Variants in MKLN1 observed in about 807,000 individuals in gnomAD.
MKLN1 encodes the protein muskelin.
MKLN1 carries 18 observed loss-of-function variants against 99.0 expected under a neutral mutation model. The observed-to-expected ratio is 0.18, with a 90% CI of 0.13 to 0.27. The LOEUF (loss-of-function observed/expected upper bound fraction) is 0.27, where lower values mean the gene tolerates loss of function less well. Ranked by LOEUF, MKLN1 falls within the 10% of genes least tolerant of loss-of-function variation. The pLI is 1.00. For synonymous variants in MKLN1, 288 were observed against 293.2 expected, an observed-to-expected ratio of 0.98 and a Z score of 0.18; for missense variants, 621 against 875.9, an observed-to-expected ratio of 0.71 and a Z score of 3.67.
rs1478725942 is a variant in MKLN1 at position 131,488,099 on chromosome 7, G to T, written c.*371G>T. 6.6e-6 allele frequency: 1 copy of T among 151,588 alleles called. No homozygotes were observed. The highest frequency in any genetic ancestry group is 1.9e-4 in the East Asian group (1 of 5,176). 9.4% of individuals were successfully genotyped at this position (151,588 alleles called of 1,614,324 possible). ...TTGGGGGAAATAAGCACTATTAACA[G>T]ATTCAGCACTACAAGTATTTTGAAT... On this transcript the variant is annotated 3_prime_UTR_variant, in exon 18 of 18. Transcript: ENST00000352689.
intron 3 of MKLN1, among the ~76,000 whole-genome samples, chr7:131,267,842 A>T (rs1347257782): frequency 6.6e-6 from 1 of 152,224 alleles, no homozygotes; most frequent in Admixed American, 6.5e-5. Context: ...CTTCAGGCAA[A>T]CACCCAAAGA....
At chr7:131,173,673 C>T (rs1257106620) in intron 2 of MKLN1, among the ~76,000 whole-genome samples, 3 of 152,058 alleles carry the variant, frequency 2.0e-5, no homozygotes, top group Non-Finnish European at 2.9e-5. Flanking sequence ...GAGTTGAGAT[C>T]GTGCCATTGC....
intron 3 of MKLN1, chr7:131,242,693 A>G: frequency 1.5e-6 from 1 of 649,020 alleles, no homozygotes; most frequent in Non-Finnish European, 2.9e-6. Flanking sequence ...ATGGTACCTT[A>G]GATCGCCCCT....
chr7:131,390,378 G>T (rs1794163184), intron 4 of MKLN1, among the ~76,000 whole-genome samples: 1 of 152,014 alleles, frequency 6.6e-6, no homozygotes, highest in Non-Finnish European at 1.5e-5. Context: ...AGAGTTATCA[G>T]TTCCTAAAGA....
intron 2 of MKLN1, among the ~76,000 whole-genome samples, chr7:131,153,655 T>TTTTTTCTG (rs1795921589): frequency 2.0e-5 from 1 of 49,766 alleles, no homozygotes; most frequent in African/African-American, 4.0e-5. Flanking sequence ...TGAAAGTAGG[T>TTTTTTCTG]TTTTTTTGGT....
intron 11 of MKLN1, among the ~76,000 whole-genome samples, chr7:131,444,017 T>C (rs1795922047): frequency 6.6e-6 from 1 of 152,148 alleles, no homozygotes; most frequent in African/African-American, 2.4e-5. Context: ...GACAATTTCT[T>C]ACTCTGTTCT....
intron 13 of MKLN1, 112 bp downstream of exon 13, chr7:131,463,476 T>G (rs1023924378): frequency 1.7e-6 from 2 of 1,149,770 alleles, no homozygotes; most frequent in Non-Finnish European, 2.5e-6. Context: ...ACATTGTATA[T>G]TTAAAAGTCA....
intron 2 of MKLN1, among the ~76,000 whole-genome samples, chr7:131,180,706 A>T (rs1236055029): frequency 6.6e-6 from 1 of 151,888 alleles, no homozygotes; most frequent in Non-Finnish European, 1.5e-5. Context: ...CTCAAAAAAA[A>T]AAAAAAAGAA....
intron 3 of MKLN1, among the ~76,000 whole-genome samples, chr7:131,292,282 G>C (rs906698806): frequency 6.6e-6 from 1 of 152,160 alleles, no homozygotes; most frequent in Non-Finnish European, 1.5e-5. Flanking sequence ...AAGGAGGCGA[G>C]AATGCCAGCT....
intron 2 of MKLN1, among the ~76,000 whole-genome samples, chr7:131,161,963 GTATATATATATATATATATATATATA>G (rs71168374): frequency 2.7e-5 from 3 of 109,296 alleles, no homozygotes; most frequent in Non-Finnish European, 5.6e-5. Context: ...GTGTGTGTGT[GTATATATATATATATATATATATATA>G]TATATATATA....
intron 3 of MKLN1, among the ~76,000 whole-genome samples, chr7:131,259,874 A>G (rs1797708277): frequency 6.6e-6 from 1 of 152,196 alleles, no homozygotes; most frequent in Non-Finnish European, 1.5e-5. Flanking sequence ...AGAGAAAGAA[A>G]TAAAAGGCAT....
intron 16 of MKLN1, among the ~76,000 whole-genome samples, chr7:131,476,458 A>G (rs918027334): frequency 2.6e-5 from 4 of 152,190 alleles, no homozygotes; most frequent in African/African-American, 9.6e-5. Context: ...CAAAAATACA[A>G]GGTCAATAGA....
In MKLN1 at chr7:131,491,941, C is replaced by G. The variant is rs1797433843; in HGVS notation, c.*4213C>G. On this transcript the variant is annotated 3_prime_UTR_variant, in exon 18 of 18. Coordinates refer to ENST00000352689, the MANE Select transcript of MKLN1 (RefSeq NM_013255.5). ...TGGAAAAAAAAAGATCAAAATCATT[C>G]TGGGGCAAATGCTCTATTATCCTTA... 1 of 152,370 alleles carries G rather than the reference C, an allele frequency of 6.6e-6. No individual in the cohort carries two copies. The highest frequency in any genetic ancestry group is 1.5e-5 in the Non-Finnish European group (1 of 68,004). 9.4% of individuals were successfully genotyped at this position (152,370 alleles called of 1,614,324 possible).
At chr7:131,467,709 C>G (rs140649850) in intron 15 of MKLN1, among the ~76,000 whole-genome samples, 2 of 152,240 alleles carry the variant, frequency 1.3e-5, no homozygotes, top group East Asian at 3.9e-4. Flanking sequence ...GGGCCGTCAG[C>G]TTTTACTCTT....
Position 131,490,219 on chromosome 7 carries a change from C to T in MKLN1, c.*2491C>T, listed in dbSNP as rs1319164021. 2 of 152,556 alleles carry T rather than the reference C, an allele frequency of 1.3e-5. No individual in the cohort carries two copies. The highest frequency in any genetic ancestry group is 4.8e-5 in the African/African-American group (2 of 41,440). The allele number at this position is 152,556 out of a possible 1,614,324, so 9.5% of individuals were successfully genotyped here. ...CAAGTGTATATGCTTTACTACCTAA[C>T]AATTATTCTAGCCTAGGTGAATCCC... On this transcript the variant is annotated 3_prime_UTR_variant, in exon 18 of 18. Transcript: ENST00000352689.
At position 131,129,759 on chromosome 7, in the gene MKLN1, A is replaced by C. The variant is rs563006330; in HGVS notation, c.-418-13061A>C. Among the ~76,000 whole-genome samples, 401 of 152,256 alleles carry C rather than the reference A, an allele frequency of 2.6e-3. 8 individuals carry two copies. Among genetic ancestry groups the C allele is most frequent in the Non-Finnish European group, 9.4e-4 (64 of 68,016 alleles). ...CTGTGAATTTTTTAAAACTTTTTTT[A>C]GAGACGAGGTCTTGCTATGTTGTCC... On this transcript the variant is annotated intron_variant, in intron 1 of 7. Transcript: ENST00000416992.
In MKLN1 at chr7:131,348,519, A is replaced by AAGTT. The variant is rs904047967; in HGVS notation, c.98+20522_98+20523insAGTT. On this transcript the variant is annotated intron_variant, in intron 1 of 17. Transcript: ENST00000352689. ...TTTTTAATAGTTTTAAGAGTTAACT[A>AAGTT]TAGTCGTTGGGTTTTTTTTTTTTAA... is the stretch of plus-strand genomic sequence containing the variant. 4.1e-4 allele frequency among the ~76,000 whole-genome samples: 62 copies of AAGTT among 151,582 alleles called. 1 individual carries two copies. Among genetic ancestry groups the AAGTT allele is most frequent in the African/African-American group, 1.4e-3 (60 of 41,424 alleles).
intron 1 of MKLN1, among the ~76,000 whole-genome samples, chr7:131,116,294 CTAGTGG>C (rs1407249969): frequency 3.3e-5 from 5 of 151,894 alleles, no homozygotes; most frequent in Non-Finnish European, 7.4e-5. Context: ...ATTGGAATGG[CTAGTGG>C]TGATGATTAC....
intron 1 of MKLN1, among the ~76,000 whole-genome samples, chr7:131,113,885 T>C (rs1795234595): frequency 6.6e-6 from 1 of 152,014 alleles, no homozygotes; most frequent in Non-Finnish European, 1.5e-5. Flanking sequence ...CGGGGGAAAC[T>C]GACACTTTTA....
Sources: allele counts gnomAD v4.1 joint callset (sites outside exome capture counted in the v4.1 genomes callset), GRCh38; gene constraint gnomAD v4.1.1; transcripts MANE v1.5; gene names NCBI Gene and HGNC (gene_info 2026-07-23, HGNC 2026-07-21).